The following PPP2R1A variants were observed in gnomAD, a reference collection of about 807,000 sequenced individuals.
PPP2R1A encodes protein phosphatase 2 scaffold subunit Aalpha.
In PPP2R1A, 15 loss-of-function variants were observed where a neutral mutation model predicts 67.1. The observed-to-expected ratio is 0.22, with a 90% confidence interval of 0.15 to 0.34. The LOEUF is 0.34. PPP2R1A is among the 10% of genes least tolerant of loss of function. The pLI is 1.00. For missense variants in PPP2R1A, 369 were observed against 775.0 expected (o/e 0.48, Z 6.22); for synonymous variants, 337 against 325.0 (o/e 1.04, Z -0.40).
rs558310064 is a variant in PPP2R1A at position 52,227,953 on chromosome 19, C to T, written c.*1972C>T. 21 of 152,292 alleles carry T rather than the reference C, an allele frequency of 1.4e-4. No homozygotes were observed. Among genetic ancestry groups the T allele is most frequent in the African/African-American group, 4.6e-4 (19 of 41,558 alleles). 9.4% of individuals were successfully genotyped at this position (152,292 alleles called of 1,614,324 possible). On this transcript the variant is annotated 3_prime_UTR_variant, in exon 15 of 15. Transcript: ENST00000322088. Reference sequence around the variant, plus strand: ...AATGCAGAGCCTCTCGTCCCTGCCCCGACCTGCTCAGGCAGAGCCTTCATT... The same window carrying T: ...AATGCAGAGCCTCTCGTCCCTGCCCTGACCTGCTCAGGCAGAGCCTTCATT...
intron 3 of PPP2R1A, among the ~76,000 whole-genome samples, chr19:52,206,922 G>A (rs184356533): frequency 5.3e-5 from 8 of 151,832 alleles, no homozygotes; most frequent in South Asian, 2.1e-4. Context: ...ATGTGGCACC[G>A]GCAGTTGATG....
Position 52,206,112 on chromosome 19 carries a change from A to G in PPP2R1A, c.270+49A>G, listed in dbSNP as rs528166101. The G allele has an allele frequency of 3.0e-5, 47 of 1,542,122 alleles. 1 individual carries two copies. In the South Asian group the frequency reaches 4.9e-4, roughly 16 times the overall value. ...CTTGCCCACCCCTTAGGGTCGGCCC[A>G]TGGTCCTGCCGGCCTAGGGCAGGGA... is the stretch of plus-strand genomic sequence containing the variant. On this transcript the variant is annotated intron_variant, in intron 3 of 14. Transcript: ENST00000322088.
chr19:52,221,730 A>G (rs1360289221), intron 12 of PPP2R1A, among the ~76,000 whole-genome samples: 1 of 152,092 alleles, frequency 6.6e-6, no homozygotes, highest in Non-Finnish European at 1.5e-5. Flanking sequence ...CTCATGTACT[A>G]CTTATTTATG....
intron 3 of PPP2R1A, among the ~76,000 whole-genome samples, chr19:52,207,174 A>G (rs1392015237): frequency 6.6e-6 from 1 of 152,136 alleles, no homozygotes; most frequent in Non-Finnish European, 1.5e-5. Context: ...CGTTTCATAC[A>G]TTTTACACAA....
At position 52,229,503 on chromosome 19, in the gene PPP2R1A, C is replaced by G. The variant is rs1458310773; in HGVS notation, c.*3522C>G. On this transcript the variant is annotated 3_prime_UTR_variant, in exon 15 of 15. Coordinates refer to ENST00000322088, the MANE Select transcript of PPP2R1A (RefSeq NM_014225.6). Reference sequence around the variant, plus strand: ...GAGAAAATCCAATAAAGATTTAGTGCCAGGCCTTGACTCCAGCAGGCCTTC... The same window carrying G: ...GAGAAAATCCAATAAAGATTTAGTGGCAGGCCTTGACTCCAGCAGGCCTTC... 2.0e-5 allele frequency: 3 copies of G among 152,076 alleles called. No homozygotes were observed. Among genetic ancestry groups the G allele is most frequent in the Non-Finnish European group, 2.9e-5 (2 of 68,050 alleles). 9.4% of individuals were successfully genotyped at this position (152,076 alleles called of 1,614,324 possible). A position where few individuals can be genotyped will look rare whatever the true frequency, so the allele number is the denominator to read the frequency against.
At chr19:52,195,048 T>G (rs969962554) in intron 1 of PPP2R1A, among the ~76,000 whole-genome samples, 36 of 152,042 alleles carry the variant, frequency 2.4e-4, no homozygotes, top group African/African-American at 8.7e-4. Context: ...TAGGCCAGAG[T>G]AAGGCCTTAG....
At chr19:52,221,988 T>C in intron 12 of PPP2R1A, 111 bp from the exon 13 acceptor site, 1 of 1,155,368 alleles carries the variant, frequency 8.7e-7, no homozygotes. Flanking sequence ...CCCGTATTGC[T>C]CAGCCTCTGT....
chr19:52,226,261 C>T lies in PPP2R1A; in HGVS notation c.*280C>T. The T allele has an allele frequency of 2.0e-6, 1 of 497,340 alleles. No homozygotes were observed. Among genetic ancestry groups the T allele is most frequent in the Non-Finnish European group, 3.6e-6 (1 of 281,308 alleles). The allele number at this position is 497,340 out of a possible 1,614,324, so 30.8% of individuals were successfully genotyped here. ...AGGGAGAGATGTGAGCATCCCGGGT[C>T]ACTGGATCCTGCTGCTGTAATGGGA... is the stretch of plus-strand genomic sequence containing the variant. On this transcript the variant is annotated 3_prime_UTR_variant, in exon 15 of 15. Coordinates refer to ENST00000322088, the MANE Select transcript of PPP2R1A (RefSeq NM_014225.6).
chr19:52,220,112 C>T, intron 10 of PPP2R1A, 77 bp from the exon 11 acceptor site: 1 of 1,499,166 alleles, frequency 6.7e-7, no homozygotes, highest in Non-Finnish European at 9.3e-7. Flanking sequence ...GGTGTAGGTT[C>T]CATGGGATGT....
In PPP2R1A at chr19:52,216,781, T is replaced by C; in HGVS notation, c.1128+118T>C. Reference sequence around the variant, plus strand: ...GCTGATATCTCAACAGACATCCAGATCTTTGCTGAGTTGCATGTTTGTGGG... The same window carrying C: ...GCTGATATCTCAACAGACATCCAGACCTTTGCTGAGTTGCATGTTTGTGGG... On this transcript the variant is annotated intron_variant, in intron 9 of 14. Transcript: ENST00000322088. The surrounding 1 kb of genome is among the most constrained non-coding windows in gnomAD (Gnocchi z 4.3). The C allele has an allele frequency of 6.8e-7, 1 of 1,478,674 alleles. No individual in the cohort carries two copies. Among genetic ancestry groups the C allele is most frequent in the Non-Finnish European group, 9.2e-7 (1 of 1,083,862 alleles). The allele number at this position is 1,478,674 out of a possible 1,614,324, so 91.6% of individuals were successfully genotyped here. A position where few individuals can be genotyped will look rare whatever the true frequency, so the allele number is the denominator to read the frequency against.
chr19:52,200,795 C>G (rs145676720), intron 1 of PPP2R1A, among the ~76,000 whole-genome samples: 2 of 149,462 alleles, frequency 1.3e-5, no homozygotes, highest in Non-Finnish European at 3.0e-5. Context: ...CCCATCTTCA[C>G]ATGCGTGCCT....
In PPP2R1A at chr19:52,213,221, T is replaced by A. The variant is rs1282442226; in HGVS notation, c.807+111T>A. 3.2e-5 allele frequency: 42 copies of A among 1,327,920 alleles called. No homozygotes were observed. The East Asian group carries it at 1.1e-3, about 34-fold the overall frequency. 82.3% of individuals were successfully genotyped at this position (1,327,920 alleles called of 1,614,324 possible). On this transcript the variant is annotated intron_variant, in intron 6 of 14. Coordinates refer to ENST00000322088, the MANE Select transcript of PPP2R1A (RefSeq NM_014225.6). This position sits in a 1 kb window ranked among gnomAD's most constrained non-coding sequence, Gnocchi z 4.2. ...TAGGCCGATGGAACCATTGGGCGTTTGAGCAATAAGATCTCTATGATCATC... is the reference window on the plus strand; with the variant it reads ...TAGGCCGATGGAACCATTGGGCGTTAGAGCAATAAGATCTCTATGATCATC...
intron 13 of PPP2R1A, among the ~76,000 whole-genome samples, chr19:52,223,430 C>G (rs927705298): frequency 6.6e-6 from 1 of 152,126 alleles, no homozygotes; most frequent in Non-Finnish European, 1.5e-5. Context: ...CAAAAGACAG[C>G]ATTTTGAGAG....
Position 52,216,776 on chromosome 19 carries a change from C to G in PPP2R1A, c.1128+113C>G. 1 of 1,494,036 alleles carries G rather than the reference C, an allele frequency of 6.7e-7. No homozygotes were observed. The highest frequency in any genetic ancestry group is 1.8e-5 in the Admixed American group (1 of 54,858). The allele number at this position is 1,494,036 out of a possible 1,614,324, so 92.5% of individuals were successfully genotyped here. The stretch of plus-strand genomic sequence containing the variant: ...AATCTGCTGATATCTCAACAGACAT[C>G]CAGATCTTTGCTGAGTTGCATGTTT... On this transcript the variant is annotated intron_variant, in intron 9 of 14. Transcript: ENST00000322088. The surrounding 1 kb of genome is among the most constrained non-coding windows in gnomAD (Gnocchi z 4.3).
Position 52,211,270 on chromosome 19 carries a change from A to T in PPP2R1A, c.281A>T (p.Glu94Val). 6.2e-7 allele frequency: 1 copy of T among 1,612,374 alleles called. No homozygotes were observed. Among genetic ancestry groups the T allele is most frequent in the Non-Finnish European group, 8.5e-7 (1 of 1,179,826 alleles). ...EYVHCLLPPL[E>V]SLATVEETVV... Reference sequence around the variant, plus strand: ...GTGTTCTCACCACAGCCACCGCTGGAGTCGCTGGCCACAGTGGAGGAGACA... The same window carrying T: ...GTGTTCTCACCACAGCCACCGCTGGTGTCGCTGGCCACAGTGGAGGAGACA... Residue 94 changes from glutamate to valine, a missense_variant, in exon 4 of 15, where the codon GAG becomes GTG. Physicochemically the swap from Glu to Val is moderately radical, Grantham distance 121 (BLOSUM62 -2). Transcript: ENST00000322088. The surrounding 1 kb of genome is among the most constrained non-coding windows in gnomAD (Gnocchi z 5.3).
chr19:52,196,074 C>G (rs2089494154), intron 1 of PPP2R1A, among the ~76,000 whole-genome samples: 1 of 152,098 alleles, frequency 6.6e-6, no homozygotes, highest in Non-Finnish European at 1.5e-5. Context: ...CTTGGAGATT[C>G]CAAAGATTTG....
At chr19:52,225,604 G>A (rs1227679463) in intron 13 of PPP2R1A, 113 bp from the exon 14 acceptor site, 1 of 892,824 alleles carries the variant, frequency 1.1e-6, no homozygotes, top group Non-Finnish European at 1.8e-6. Context: ...CCCACCTTGG[G>A]TTTGGTGTAT....
chr19:52,193,390 C>T (rs906905826), intron 1 of PPP2R1A, among the ~76,000 whole-genome samples: 5 of 152,178 alleles, frequency 3.3e-5, no homozygotes, highest in African/African-American at 9.7e-5. Context: ...TTATCAGCAC[C>T]TCCTGTGTGC....
intron 1 of PPP2R1A, among the ~76,000 whole-genome samples, chr19:52,192,900 A>T (rs2089467611): frequency 6.6e-6 from 1 of 152,192 alleles, no homozygotes; most frequent in Non-Finnish European, 1.5e-5. Context: ...GGAAGCTCCT[A>T]TGGCTGCTTT....
Sources: gnomAD v4.1 joint callset for allele counts (sites outside exome capture counted in the v4.1 genomes callset) on GRCh38, gnomAD v4.1.1 for gene constraint, Gnocchi (gnomAD v3.1) non-coding constraint, MANE v1.5 for transcripts, NCBI Gene and HGNC (gene_info 2026-07-23, HGNC 2026-07-21) for gene names.